CHRM2: variants seen among roughly 807,000 people sequenced by gnomAD.
CHRM2 encodes the protein muscarinic acetylcholine receptor M2.
CHRM2 carries 8 observed loss-of-function variants against 25.0 expected under a neutral mutation model. The observed-to-expected ratio is 0.32, with a 90% confidence interval of 0.19 to 0.58. The LOEUF (loss-of-function observed/expected upper bound fraction) is 0.58. CHRM2 is among the 20% of genes least tolerant of loss of function. The probability of loss-of-function intolerance (pLI) is 0.88; values close to 1 mark genes in which losing one functional copy is unlikely to be tolerated. For missense variants in CHRM2, 440 were observed against 567.1 expected, an observed-to-expected ratio of 0.78 and a Z score of 2.28; for synonymous variants, 202 against 205.7, an observed-to-expected ratio of 0.98 and a Z score of 0.15.
At chr7:136,955,130 T>C (rs1271783442) in intron 2 of CHRM2, among the ~76,000 whole-genome samples, 2 of 152,184 alleles carry the variant, frequency 1.3e-5, no homozygotes, top group East Asian at 3.9e-4. Context: ...GTTCGTGTTT[T>C]CTTTCACATT....
intron 2 of CHRM2, among the ~76,000 whole-genome samples, chr7:136,920,693 C>A (rs1563066842): frequency 6.6e-6 from 1 of 152,120 alleles, no homozygotes; most frequent in South Asian, 2.1e-4. Context: ...CCACCTTAAG[C>A]TCATCACACC....
In CHRM2 at chr7:136,985,122, T is replaced by C. The variant is rs73729834; in HGVS notation, c.-124-7065T>C. Among the ~76,000 whole-genome samples the C allele has an allele frequency of 4.7e-3, 717 of 152,268 alleles. 7 individuals carry two copies. The highest frequency in any genetic ancestry group is 0.016 in the African/African-American group (679 of 41,554). The stretch of plus-strand genomic sequence containing the variant: ...GTGCTGGAAACCCTAATGCCAATGC[T>C]GCAACACACAGCACTGAGGTAAAAG... On this transcript the variant is annotated intron_variant, in intron 2 of 3. Transcript: ENST00000680005.
Position 137,016,535 on chromosome 7 carries a change from A to C in CHRM2, c.*269A>C, listed in dbSNP as rs1805200323. On this transcript the variant is annotated 3_prime_UTR_variant, in exon 4 of 4. Coordinates refer to ENST00000680005, the MANE Select transcript of CHRM2 (RefSeq NM_001006630.2). ...TTTAAGAAACTATACACTGTTTCTC[A>C]TAATCTCTTGAAGAAGGGCTTCTGA... 1 of 427,282 alleles carries C rather than the reference A, an allele frequency of 2.3e-6. No individual in the cohort carries two copies. Among genetic ancestry groups the C allele is most frequent in the East Asian group, 4.6e-5 (1 of 21,832 alleles). 26.5% of individuals were successfully genotyped at this position (427,282 alleles called of 1,614,324 possible).
chr7:137,000,973 A>C (rs1282116395), intron 3 of CHRM2, among the ~76,000 whole-genome samples: 3 of 152,220 alleles, frequency 2.0e-5, no homozygotes, highest in Non-Finnish European at 4.4e-5. Context: ...CTTAGAATAA[A>C]GAAGCCAGCT....
intron 3 of CHRM2, among the ~76,000 whole-genome samples, chr7:137,012,539 T>A (rs1804891153): frequency 6.6e-6 from 1 of 152,014 alleles, no homozygotes; most frequent in Admixed American, 6.6e-5. Context: ...TCTGTAATAA[T>A]CTATGTCTCA....
chr7:137,006,282 T>C (rs1804418819), intron 3 of CHRM2, among the ~76,000 whole-genome samples: 1 of 152,114 alleles, frequency 6.6e-6, no homozygotes. Flanking sequence ...AGTTGTATAT[T>C]GTGTGAACGA....
chr7:136,943,055 A>G (rs561710962), intron 2 of CHRM2, among the ~76,000 whole-genome samples: 14 of 152,234 alleles, frequency 9.2e-5, no homozygotes, highest in East Asian at 3.9e-4. Context: ...AGCTCAAATA[A>G]CAGTCAGCCA....
chr7:136,960,668 G>T (rs1013766470), intron 2 of CHRM2, among the ~76,000 whole-genome samples: 2 of 152,146 alleles, frequency 1.3e-5, no homozygotes, highest in African/African-American at 2.4e-5. Context: ...GACAAAACAT[G>T]CTTGAAGGCA....
rs569433627 is a variant in CHRM2 at position 136,918,166 on chromosome 7, G to A, written c.-125+48748G>A. Among the ~76,000 whole-genome samples the A allele has an allele frequency of 3.3e-5, 5 of 152,162 alleles. No individual in the cohort carries two copies. The South Asian group carries it at 1.0e-3, about 32-fold the overall frequency. The stretch of plus-strand genomic sequence containing the variant: ...AGATCATAAAGCACTGAAACTCGGT[G>A]CTGTTCACTTTAAAGTTTTAGGTGC... On this transcript the variant is annotated intron_variant, in intron 2 of 3. Coordinates refer to ENST00000680005, the MANE Select transcript of CHRM2 (RefSeq NM_001006630.2).
chr7:136,990,760 A>T (rs1803170030), intron 2 of CHRM2, among the ~76,000 whole-genome samples: 1 of 152,156 alleles, frequency 6.6e-6, no homozygotes, highest in African/African-American at 2.4e-5. Flanking sequence ...GCTGGATCTT[A>T]TGGTAAGAGT....
At chr7:136,989,198 G>A (rs1584885029) in intron 2 of CHRM2, among the ~76,000 whole-genome samples, 1 of 150,966 alleles carries the variant, frequency 6.6e-6, no homozygotes, top group Admixed American at 6.6e-5. Flanking sequence ...ATATGTTTGG[G>A]AAAAATCCAT....
intron 3 of CHRM2, among the ~76,000 whole-genome samples, chr7:136,994,069 C>A (rs1803411530): frequency 6.6e-6 from 1 of 152,286 alleles, no homozygotes; most frequent in Non-Finnish European, 1.5e-5. Flanking sequence ...AAGGTGAAAT[C>A]AAGACCTTGC....
intron 2 of CHRM2, among the ~76,000 whole-genome samples, chr7:136,946,738 A>G (rs1233407008): frequency 6.6e-6 from 1 of 152,214 alleles, no homozygotes; most frequent in African/African-American, 2.4e-5. Context: ...ACTTGAATCT[A>G]CAGAGGCATC....
At chr7:136,973,304 G>A (rs1479524599) in intron 2 of CHRM2, among the ~76,000 whole-genome samples, 5 of 111,506 alleles carry the variant, frequency 4.5e-5, no homozygotes, top group South Asian at 3.8e-4. Context: ...TGATGGTGAC[G>A]GTGTTAGGGA....
intron 2 of CHRM2, among the ~76,000 whole-genome samples, chr7:136,952,054 T>C (rs1056999401): frequency 5.3e-5 from 8 of 152,268 alleles, no homozygotes; most frequent in African/African-American, 1.9e-4. Flanking sequence ...TAAACTGAAA[T>C]TCCAGATCTT....
intron 2 of CHRM2, among the ~76,000 whole-genome samples, chr7:136,906,576 ATAT>A (rs1797564177): frequency 6.6e-6 from 1 of 151,752 alleles, no homozygotes; most frequent in Non-Finnish European, 1.5e-5. Context: ...ATGAGTCCTT[ATAT>A]AGCAGGATAT....
Position 137,015,932 on chromosome 7 carries a change from A to T in CHRM2, c.1067A>T (p.Glu356Val). The change falls in exon 4 of 4, where the codon GAA becomes GTA. Residue 356 changes from glutamate (E) to valine (V), a missense_variant. By Grantham distance (121) the Glu-to-Val change is moderately radical (BLOSUM62 -2). This residue lies in a region of CHRM2 where 261 missense variants were observed against 261.8 expected (regional missense o/e 1.00). Transcript: ENST00000680005. The surrounding 1 kb of genome is among the most constrained non-coding windows in gnomAD (Gnocchi z 5.1). ...GGGTCTTCAGGTCAGAATGGAGATGAAAAGCAGAATATTGTAGCCCGCAAG... is the reference window on the plus strand; with the variant it reads ...GGGTCTTCAGGTCAGAATGGAGATGTAAAGCAGAATATTGTAGCCCGCAAG... Reference protein sequence around the residue: ...VVGSSGQNGDEKQNIVARKIV... With the variant: ...VVGSSGQNGDVKQNIVARKIV... The T allele has an allele frequency of 6.2e-7, 1 of 1,613,202 alleles. No homozygotes were observed. Among genetic ancestry groups the T allele is most frequent in the Non-Finnish European group, 8.5e-7 (1 of 1,179,448 alleles).
chr7:136,870,800 A>G (rs1795796548), intron 2 of CHRM2: 2 of 152,246 alleles, frequency 1.3e-5, no homozygotes, highest in Non-Finnish European at 2.9e-5. Context: ...GCGGCCACCC[A>G]GGGCTCCAAG....
intron 2 of CHRM2, among the ~76,000 whole-genome samples, chr7:136,939,991 T>C (rs1379843934): frequency 6.6e-6 from 1 of 152,224 alleles, no homozygotes; most frequent in Non-Finnish European, 1.5e-5. Flanking sequence ...ATACATTTCC[T>C]AATGATTCTG....
Sources: gnomAD v4.1 joint callset for allele counts (sites outside exome capture counted in the v4.1 genomes callset) on GRCh38, gnomAD v4.1.1 for gene constraint, gnomAD v4.1.1 regional missense constraint, Gnocchi (gnomAD v3.1) non-coding constraint, MANE v1.5 for transcripts, NCBI Gene and HGNC (gene_info 2026-07-23, HGNC 2026-07-21) for gene names.